TECPR1: variants seen among roughly 807,000 people sequenced by gnomAD.
The protein encoded by TECPR1 is tectonin beta-propeller repeat containing 1.
In TECPR1, 122 loss-of-function variants were observed where a neutral mutation model predicts 162.4. The observed-to-expected ratio is 0.75, with a 90% CI of 0.65 to 0.87. TECPR1 has a LOEUF of 0.87. TECPR1 is among the 40% of genes least tolerant of loss of function. TECPR1 has a pLI of 0.00. For synonymous variants in TECPR1, 642 were observed against 670.6 expected (o/e 0.96, Z 0.66); for missense variants, 1,432 against 1,618.2 (o/e 0.88, Z 1.97).
intron 22 of TECPR1, 109 bp downstream of exon 22, chr7:98,222,277 T>A: frequency 7.0e-7 from 1 of 1,430,504 alleles, no homozygotes; most frequent in Non-Finnish European, 9.3e-7. Context: ...CTCCCACTTC[T>A]GGGGGAAGTC....
At chr7:98,242,338 G>A (rs1004052082) in intron 6 of TECPR1, among the ~76,000 whole-genome samples, 6 of 152,076 alleles carry the variant, frequency 3.9e-5, no homozygotes, top group East Asian at 1.9e-4. Flanking sequence ...GGGCTGCTTC[G>A]ATTCCTCTGC....
chr7:98,233,674 G>C lies in TECPR1; in HGVS notation c.1419C>G (p.Asn473Lys), dbSNP rs1418209338. Residue 473 changes from asparagine to lysine, a missense_variant, in exon 11 of 26, where the codon AAC (asparagine) becomes AAG (lysine). Asn to Lys is a moderately conservative substitution (Grantham distance 94). Coordinates refer to ENST00000447648, the MANE Select transcript of TECPR1 (RefSeq NM_015395.3). ...GGGTGGGGGCCGGGCCGGGGTGCGT[G>C]TTGGGTCTGGCCTCCCTGCTGCCCT... ...PAEGSREARP[N>K]THPGPAPTPA... 10 of 1,604,948 alleles carry C rather than the reference G, an allele frequency of 6.2e-6. No individual in the cohort carries two copies. Among genetic ancestry groups the C allele is most frequent in the Non-Finnish European group, 6.8e-6 (8 of 1,174,686 alleles).
Position 98,216,108 on chromosome 7 carries a change from A to G in TECPR1, c.*1282T>C, listed in dbSNP as rs1371163319. ...TCCAGGTGGAGGAAGCAAACTCCCA[A>G]ATGGGGCACAGAGGTAATAAAAAGC... On this transcript the variant is annotated 3_prime_UTR_variant, in exon 26 of 26. Coordinates refer to ENST00000447648, the MANE Select transcript of TECPR1 (RefSeq NM_015395.3). The G allele has an allele frequency of 6.6e-6, 1 of 152,226 alleles. No homozygotes were observed. Among genetic ancestry groups the G allele is most frequent in the Non-Finnish European group, 1.5e-5 (1 of 68,050 alleles). 9.4% of individuals were successfully genotyped at this position (152,226 alleles called of 1,614,324 possible). A position where few individuals can be genotyped will look rare whatever the true frequency, so the allele number is the denominator to read the frequency against.
intron 12 of TECPR1, 31 bp from the exon 13 acceptor site, chr7:98,231,990 C>A: frequency 6.4e-7 from 1 of 1,572,604 alleles, no homozygotes; most frequent in Admixed American, 1.8e-5. Flanking sequence ...GACACCATCA[C>A]AGGCAGGCCC....
chr7:98,221,055 A>T (rs1798127485), intron 23 of TECPR1, among the ~76,000 whole-genome samples: 1 of 147,266 alleles, frequency 6.8e-6, no homozygotes, highest in African/African-American at 2.5e-5. Context: ...TAATCCCAGC[A>T]CTTTGGGAGG....
intron 16 of TECPR1, 154 bp downstream of exon 16, chr7:98,228,885 T>C: frequency 8.9e-7 from 1 of 1,127,684 alleles, no homozygotes; most frequent in Non-Finnish European, 1.2e-6. Flanking sequence ...CCATCCTGGG[T>C]GGAGGCTGGC....
chr7:98,245,185 C>T (rs1197556437), intron 3 of TECPR1, 118 bp from the exon 4 acceptor site: 9 of 1,160,202 alleles, frequency 7.8e-6, no homozygotes, highest in Non-Finnish European at 1.1e-5. Flanking sequence ...CATTGATCTC[C>T]AGAATAGGAA....
chr7:98,236,845 G>A lies in TECPR1; in HGVS notation c.1112C>T (p.Thr371Ile). 1 of 1,586,980 alleles carries A rather than the reference G, an allele frequency of 6.3e-7. No homozygotes were observed. The highest frequency in any genetic ancestry group is 8.6e-7 in the Non-Finnish European group (1 of 1,169,502). The change falls in exon 10 of 26, where the codon ACC becomes ATC. Residue 371 changes from threonine to isoleucine, a missense_variant. By Grantham distance (89) the Thr-to-Ile change is moderately conservative. Coordinates refer to ENST00000447648, the MANE Select transcript of TECPR1 (RefSeq NM_015395.3). ...GVTPSELSGK[T>I]WKAIIAAREC... is the part of the protein sequence containing the mutation. ...TCGGGCCGCGATGATGGCTTTCCAG[G>A]TCTTCCCACTGAGCTCGCTGGGGGT...
chr7:98,223,901 C>T lies in TECPR1; in HGVS notation c.2691-183G>A, dbSNP rs532960521. ...CTCAGGAGGCGCTTCCTGGCTGCCCCGGCAGGATCAGGGTTGAGTGCAGCC... is the reference window on the plus strand; with the variant it reads ...CTCAGGAGGCGCTTCCTGGCTGCCCTGGCAGGATCAGGGTTGAGTGCAGCC... On this transcript the variant is annotated intron_variant, in intron 19 of 25. Transcript: ENST00000447648. Among the ~76,000 whole-genome samples, 4 of 152,292 alleles carry T rather than the reference C, an allele frequency of 2.6e-5. No individual in the cohort carries two copies. In the South Asian group the frequency reaches 6.2e-4, roughly 24 times the overall value.
At chr7:98,236,064 T>A (rs547723072) in intron 10 of TECPR1, among the ~76,000 whole-genome samples, 10 of 152,216 alleles carry the variant, frequency 6.6e-5, no homozygotes, top group African/African-American at 2.2e-4. Flanking sequence ...TCTCCATCCA[T>A]GCCCATGATG....
At chr7:98,231,600 T>A in intron 13 of TECPR1, 3 of 371,156 alleles carry the variant, frequency 8.1e-6, no homozygotes, top group Admixed American at 4.8e-5. Context: ...CTCCCTCTCC[T>A]GGGGCACCCC....
Position 98,232,827 on chromosome 7 carries a change from C to A in TECPR1, c.1818G>T (p.Gln606His). 6.3e-7 allele frequency: 1 copy of A among 1,585,802 alleles called. No individual in the cohort carries two copies. ...CATGCGCAGCCACCGGGGCACCCAC[C>A]TGCTCCACGGCCTGCTCGTAGTGTC... ...NFRHYEQAVEQSVWVKTGALQ... is the reference protein window; with the variant it reads ...NFRHYEQAVEHSVWVKTGALQ... The change falls in exon 12 of 26, where the codon CAG becomes CAT. Residue 606 changes from glutamine to histidine, a missense_variant and splice_region_variant. Gln to His is a conservative substitution (Grantham distance 24). Coordinates refer to ENST00000447648, the MANE Select transcript of TECPR1 (RefSeq NM_015395.3). The surrounding 1 kb of genome is among the most constrained non-coding windows in gnomAD (Gnocchi z 4.6).
rs1164472414 is a variant in TECPR1 at position 98,232,822 on chromosome 7, C to A, written c.1818+5G>T. 6.4e-7 allele frequency: 1 copy of A among 1,572,666 alleles called. No individual in the cohort carries two copies. Among genetic ancestry groups the A allele is most frequent in the Non-Finnish European group, 8.6e-7 (1 of 1,162,616 alleles). On this transcript the variant is annotated splice_donor_5th_base_variant and intron_variant, in intron 12 of 25. Coordinates refer to ENST00000447648, the MANE Select transcript of TECPR1 (RefSeq NM_015395.3). The surrounding 1 kb of genome is among the most constrained non-coding windows in gnomAD (Gnocchi z 4.6). ...AAATGCATGCGCAGCCACCGGGGCACCCACCTGCTCCACGGCCTGCTCGTA... is the reference window on the plus strand; with the variant it reads ...AAATGCATGCGCAGCCACCGGGGCAACCACCTGCTCCACGGCCTGCTCGTA...
rs778475778 is a variant in TECPR1 at position 98,223,058 on chromosome 7, C to T, written c.2860G>A (p.Ala954Thr). The T allele has an allele frequency of 1.9e-6, 3 of 1,607,470 alleles. No individual in the cohort carries two copies. The highest frequency in any genetic ancestry group is 8.5e-7 in the Non-Finnish European group (1 of 1,177,590). The change falls in exon 21 of 26, where the codon GCC becomes ACC. Residue 954 changes from alanine (A) to threonine (T), a missense_variant. Physicochemically the swap from Ala to Thr is moderately conservative, Grantham distance 58 (BLOSUM62 0). Coordinates refer to ENST00000447648, the MANE Select transcript of TECPR1 (RefSeq NM_015395.3). ...CCCTTGTCGCTGACGGCCCAGAGGG[C>T]GATGCTGTGCCCACTCCCCTCGGCA... is the stretch of plus-strand genomic sequence containing the variant. ...PGAEGSGHSI[A>T]LWAVSDKGDV...
intron 10 of TECPR1, among the ~76,000 whole-genome samples, 197 bp downstream of exon 10, chr7:98,236,579 C>T (rs2116594992): frequency 6.6e-6 from 1 of 151,752 alleles, no homozygotes; most frequent in Middle Eastern, 3.4e-3. Flanking sequence ...AGGCTGCCCC[C>T]AGGACCTCCT....
chr7:98,249,958 G>C (rs1354368470), intron 2 of TECPR1, among the ~76,000 whole-genome samples: 4 of 151,642 alleles, frequency 2.6e-5, no homozygotes, highest in Admixed American at 6.6e-5. Flanking sequence ...GTCCCTTTCA[G>C]GTCTGAGTCT....
At chr7:98,226,600 T>C in intron 17 of TECPR1, 2 of 1,035,306 alleles carry the variant, frequency 1.9e-6, no homozygotes, top group Non-Finnish European at 2.3e-6. Context: ...TTGTTGTTTC[T>C]ATTACTAAGT....
chr7:98,231,826 T>G lies in TECPR1; in HGVS notation c.1952A>C (p.Tyr651Ser). The G allele has an allele frequency of 1.2e-6, 2 of 1,612,342 alleles. No individual in the cohort carries two copies. Among genetic ancestry groups the G allele is most frequent in the Non-Finnish European group, 1.7e-6 (2 of 1,179,500 alleles). Residue 651 changes from tyrosine to serine, a missense_variant, in exon 13 of 26, where the codon TAT (tyrosine) becomes TCT (serine). Tyr to Ser is a moderately radical substitution (Grantham distance 144). Transcript: ENST00000447648. ...CACCTTCTTCTCCTCGTGGACCACA[T>G]AGTAGATGAAGAGGATGCTGTCCCG... is the stretch of plus-strand genomic sequence containing the variant. ...GVRDSILFIY[Y>S]VVHEEKKYIH... is the part of the protein sequence containing the mutation.
At chr7:98,228,874 A>G (rs1798347297) in intron 16 of TECPR1, 165 bp downstream of exon 16, 7 of 1,022,708 alleles carry the variant, frequency 6.8e-6, no homozygotes, top group Non-Finnish European at 9.7e-6. Flanking sequence ...ACTGGCAGGG[A>G]CCATCCTGGG....
Sources: gnomAD v4.1 joint callset for allele counts (sites outside exome capture counted in the v4.1 genomes callset) on GRCh38, gnomAD v4.1.1 for gene constraint, Gnocchi (gnomAD v3.1) non-coding constraint, MANE v1.5 for transcripts, NCBI Gene and HGNC (gene_info 2026-07-23, HGNC 2026-07-21) for gene names.